RTN4: variants seen among roughly 807,000 people sequenced by gnomAD.
RTN4 encodes the protein reticulon 4.
In RTN4, 32 loss-of-function variants were observed where a neutral mutation model predicts 90.4. That is an observed-to-expected ratio of 0.35 (90% confidence interval 0.27 to 0.48). The LOEUF is 0.48. RTN4 is among the 20% of genes least tolerant of loss of function. The pLI is 0.99. For missense variants in RTN4, 1,706 were observed against 1,430.2 expected (o/e 1.19, Z -3.11); for synonymous variants, 629 against 552.5 (o/e 1.14, Z -1.94).
At chr2:54,989,315 G>T (rs377163873) in intron 3 of RTN4, among the ~76,000 whole-genome samples, 4 of 152,132 alleles carry the variant, frequency 2.6e-5, no homozygotes, top group East Asian at 3.9e-4. Context: ...TTCTATATAT[G>T]ATTTCGAAGT....
intron 3 of RTN4, among the ~76,000 whole-genome samples, chr2:55,022,698 C>T (rs578132194): frequency 6.6e-6 from 1 of 152,084 alleles, no homozygotes; most frequent in Admixed American, 6.6e-5. Flanking sequence ...TTCCTCTCCA[C>T]CCCTAGTCCT....
rs558850583 is a variant in RTN4 at position 55,056,099 on chromosome 2, C to G, written c.-63+24390G>C. On this transcript the variant is annotated intron_variant, in intron 2 of 3. Transcript: ENST00000427710. The stretch of plus-strand genomic sequence containing the variant: ...TAGTTACCCTCAGTCAGCTGCAGTT[C>G]AAAAATATTAAAATGAAAACTCCAA... Among the ~76,000 whole-genome samples the G allele has an allele frequency of 2.0e-5, 3 of 151,906 alleles. No individual in the cohort carries two copies. The South Asian group carries it at 6.3e-4, about 32-fold the overall frequency.
At chr2:55,060,847 G>C (rs1668276892) in intron 2 of RTN4, 1 of 152,290 alleles carries the variant, frequency 6.6e-6, no homozygotes, top group Non-Finnish European at 1.5e-5. Flanking sequence ...TTGAGCCTAC[G>C]AGGTCGAGGC....
At chr2:55,081,728 T>C (rs1032939966) in intron 1 of RTN4, among the ~76,000 whole-genome samples, 2 of 151,980 alleles carry the variant, frequency 1.3e-5, no homozygotes, top group Non-Finnish European at 2.9e-5. Context: ...CTGAGCATGA[T>C]AGTGCATGCC....
intron 5 of RTN4, among the ~76,000 whole-genome samples, chr2:54,979,562 AAC>A (rs1239480734): frequency 6.6e-6 from 1 of 152,238 alleles, no homozygotes; most frequent in Non-Finnish European, 1.5e-5. Context: ...AATGGAAACA[AAC>A]ACATGGAATC....
intron 2 of RTN4, among the ~76,000 whole-genome samples, chr2:55,069,738 C>T: frequency 6.6e-6 from 1 of 152,214 alleles, no homozygotes; most frequent in Non-Finnish European, 1.5e-5. Flanking sequence ...CCTGCAGGGC[C>T]TGCACCTCCA....
intron 8 of RTN4, 104 bp downstream of exon 8, chr2:54,973,459 C>CTGA: frequency 7.6e-6 from 7 of 926,196 alleles, no homozygotes; most frequent in Non-Finnish European, 1.0e-5. Context: ...CACTTAAGGT[C>CTGA]TGATAGAGAT....
At chr2:55,065,242 A>G (rs73936824) in intron 2 of RTN4, among the ~76,000 whole-genome samples, 4,612 of 152,290 alleles carry the variant, frequency 0.03, 223 homozygotes, top group African/African-American at 0.1. Flanking sequence ...TTTTATTTAT[A>G]CCACATTTTC....
At chr2:55,002,486 T>A (rs986393232) in intron 3 of RTN4, among the ~76,000 whole-genome samples, 2 of 152,210 alleles carry the variant, frequency 1.3e-5, no homozygotes, top group Non-Finnish European at 2.9e-5. Context: ...AAAGTGAAGT[T>A]CAATAACACC....
rs535269083 is a variant in RTN4, at chr2:55,025,973, G to A, written c.2126C>T (p.Ala709Val). 2.5e-6 allele frequency: 4 copies of A among 1,612,840 alleles called. No individual in the cohort carries two copies. The highest frequency in any genetic ancestry group is 1.7e-4 in the Middle Eastern group (1 of 6,060). Reference protein sequence around the residue: ...CDLIKETKLSAEPAPDFSDYS... With the variant: ...CDLIKETKLSVEPAPDFSDYS... The stretch of plus-strand genomic sequence containing the variant: ...ATCAGAGAAATCCGGAGCTGGTTCA[G>A]CAGAAAGCTTTGTTTCTTTAATTAA... Residue 709 changes from alanine (A) to valine (V), a missense_variant, in exon 3 of 9, where the codon GCT (alanine) becomes GTT (valine). Transcript: ENST00000337526.
upstream of RTN4, among the ~76,000 whole-genome samples, chr2:55,055,522 C>A (rs749793123): frequency 6.6e-6 from 1 of 152,140 alleles, no homozygotes; most frequent in African/African-American, 2.4e-5. Context: ...AATCCCAGCA[C>A]TTTGGGAGGC....
chr2:55,063,273 G>T (rs1251480246), intron 2 of RTN4, among the ~76,000 whole-genome samples: 1 of 152,236 alleles, frequency 6.6e-6, no homozygotes, highest in Non-Finnish European at 1.5e-5. Context: ...GGTGAGGCGG[G>T]AAAGCCTTCG....
intron 1 of RTN4, among the ~76,000 whole-genome samples, chr2:55,111,536 G>T (rs557108802): frequency 6.6e-6 from 1 of 152,166 alleles, no homozygotes; most frequent in Non-Finnish European, 1.5e-5. Context: ...GGAGCAGAGG[G>T]AGGATTGTTC....
chr2:55,049,492 G>A (rs925508696), intron 1 of RTN4: 20 of 572,760 alleles, frequency 3.5e-5, no homozygotes, highest in Non-Finnish European at 6.3e-5. Flanking sequence ...CATCACACAG[G>A]GTGAAAGTGG....
rs1390851685 is a variant in RTN4, at chr2:54,987,352, G to T, written c.3221+139C>A. On this transcript the variant is annotated intron_variant, in intron 4 of 8. Coordinates refer to ENST00000337526, the MANE Select transcript of RTN4 (RefSeq NM_020532.5). ...GAAAATCTCAAAAGCAGATGTTTTT[G>T]GTATAGCTCAAGCAAATAACTGCAA... The T allele has an allele frequency of 4.0e-5, 27 of 674,112 alleles. No homozygotes were observed. In the East Asian group the frequency reaches 6.6e-4, roughly 16 times the overall value. 41.8% of individuals were successfully genotyped at this position (674,112 alleles called of 1,614,324 possible).
intron 3 of RTN4, among the ~76,000 whole-genome samples, chr2:54,990,848 C>T (rs936528406): frequency 2.6e-5 from 4 of 151,868 alleles, no homozygotes; most frequent in African/African-American, 9.7e-5. Context: ...TGCAGTGGCG[C>T]GATCTCGGCT....
In RTN4 at chr2:55,028,185, G is replaced by C. The variant is rs371123781; in HGVS notation, c.592C>G (p.Pro198Ala). 1.2e-6 allele frequency: 2 copies of C among 1,612,854 alleles called. No homozygotes were observed. Among genetic ancestry groups the C allele is most frequent in the African/African-American group, 2.7e-5 (2 of 74,846 alleles). The stretch of plus-strand genomic sequence containing the variant: ...TTGCCTGCAGAGGAGCGTATCACAG[G>C]CTCAGATGCAGCAGGAAGAGCAAAA... ...TLFALPAASEPVIRSSAENMD... is the reference protein window; with the variant it reads ...TLFALPAASEAVIRSSAENMD... Residue 198 changes from proline (P) to alanine (A), a missense_variant, in exon 2 of 9, where the codon CCT becomes GCT. Transcript: ENST00000337526.
intron 1 of RTN4, among the ~76,000 whole-genome samples, chr2:55,036,324 G>A (rs1026279666): frequency 9.9e-5 from 15 of 151,932 alleles, no homozygotes; most frequent in Non-Finnish European, 1.3e-4. Flanking sequence ...ACAATAGGTC[G>A]CACGCAGTGG....
chr2:55,059,716 C>G (rs1443478851), intron 2 of RTN4, among the ~76,000 whole-genome samples: 1 of 151,870 alleles, frequency 6.6e-6, no homozygotes, highest in Non-Finnish European at 1.5e-5. Flanking sequence ...TGCCTGTAAT[C>G]CCAGCTACTC....
Sources: allele counts gnomAD v4.1 joint callset (sites outside exome capture counted in the v4.1 genomes callset), GRCh38; gene constraint gnomAD v4.1.1; transcripts MANE v1.5; gene names NCBI Gene and HGNC (gene_info 2026-07-23, HGNC 2026-07-21).